The following CEP43 variants were observed in gnomAD, a reference collection of about 807,000 sequenced individuals.
The protein encoded by CEP43 is centrosomal protein 43.
Under a neutral mutation model 52.6 loss-of-function variants are expected in CEP43, and 36 were observed. That is an observed-to-expected ratio of 0.68 (90% CI 0.52 to 0.90). CEP43 has a LOEUF of 0.90. CEP43 is among the 40% of genes least tolerant of loss of function. CEP43 has a pLI of 0.00. For synonymous variants in CEP43, 192 were observed against 172.4 expected, an observed-to-expected ratio of 1.11 and a Z score of -0.89; for missense variants, 506 against 472.8, an observed-to-expected ratio of 1.07 and a Z score of -0.65.
intron 5 of CEP43, among the ~76,000 whole-genome samples, chr6:167,006,404 A>G (rs1417415344): frequency 2.0e-5 from 3 of 152,116 alleles, no homozygotes; most frequent in Non-Finnish European, 2.9e-5. Context: ...AGTCCCAGCT[A>G]CTTGGGAGGC....
chr6:167,016,615 G>A (rs536033295), intron 7 of CEP43, among the ~76,000 whole-genome samples: 27 of 152,250 alleles, frequency 1.8e-4, no homozygotes, highest in Non-Finnish European at 2.4e-4. Context: ...TTCACATTAC[G>A]TGTAGGTTTT....
chr6:167,029,042 G>A (rs1231127741), intron 10 of CEP43, among the ~76,000 whole-genome samples: 1 of 152,182 alleles, frequency 6.6e-6, no homozygotes, highest in African/African-American at 2.4e-5. Context: ...TGGATGGCAT[G>A]TACTGTCTCT....
Position 167,044,485 on chromosome 6 carries a change from A to C in CEP43, c.*4507A>C. On this transcript the variant is annotated 3_prime_UTR_variant, in exon 13 of 13. Transcript: ENST00000366847. ...CTGACAAAGTTTCCCCGAGGAAGTC[A>C]GATTGGAAAAGTGTCCTCAGGTTCA... The C allele has an allele frequency of 1.0e-6, 1 of 985,424 alleles. No individual in the cohort carries two copies. The highest frequency in any genetic ancestry group is 1.2e-6 in the Non-Finnish European group (1 of 829,912). The allele number at this position is 985,424 out of a possible 1,614,324, so 61.0% of individuals were successfully genotyped here.
chr6:167,036,431 G>A lies in CEP43; in HGVS notation c.1125+2460G>A, dbSNP rs1370881881. On this transcript the variant is annotated intron_variant, in intron 12 of 12. Transcript: ENST00000366847. The stretch of plus-strand genomic sequence containing the variant: ...ATGAACTAGGAGCAGAGGCCCTGGG[G>A]AGGGTAGTCTCTGCACGGGAGCCAG... 4.1e-6 allele frequency: 4 copies of A among 985,320 alleles called. No individual in the cohort carries two copies. In the African/African-American group the frequency reaches 7.0e-5, roughly 17 times the overall value. The allele number at this position is 985,320 out of a possible 1,614,324, so 61.0% of individuals were successfully genotyped here.
chr6:167,041,124 G>C lies in CEP43; in HGVS notation c.*1146G>C. On this transcript the variant is annotated 3_prime_UTR_variant, in exon 13 of 13. Transcript: ENST00000366847. The stretch of plus-strand genomic sequence containing the variant: ...ATTAAGTTGCGGCTTTTTACTACAA[G>C]TTAACTTTATTAGTAAAAGGAGCAA... 1 of 1,042,164 alleles carries C rather than the reference G, an allele frequency of 9.6e-7. No individual in the cohort carries two copies. Among genetic ancestry groups the C allele is most frequent in the Non-Finnish European group, 1.2e-6 (1 of 864,802 alleles). The allele number at this position is 1,042,164 out of a possible 1,614,324, so 64.6% of individuals were successfully genotyped here.
In CEP43 at chr6:167,022,563, C is replaced by T. The variant is rs757083830; in HGVS notation, c.734C>T (p.Pro245Leu). The change falls in exon 8 of 13, where the codon CCA becomes CTA. Residue 245 changes from proline (P) to leucine (L), a missense_variant. Physicochemically the swap from Pro to Leu is moderately conservative, Grantham distance 98. Coordinates refer to ENST00000366847, the MANE Select transcript of CEP43 (RefSeq NM_007045.4). ...GGCAAAGACAAAGCTGGCCTTTGTC[C>T]AGATGAAGATGATATGGAAGGAGAT... Reference protein sequence around the residue: ...LDGKDKAGLCPDEDDMEGDSF... With the variant: ...LDGKDKAGLCLDEDDMEGDSF... The T allele has an allele frequency of 1.4e-5, 23 of 1,613,874 alleles. 1 individual carries two copies. The South Asian group carries it at 2.5e-4, about 18-fold the overall frequency.
At chr6:167,002,762 G>T (rs1779767140) in intron 2 of CEP43, among the ~76,000 whole-genome samples, 1 of 152,198 alleles carries the variant, frequency 6.6e-6, no homozygotes, top group South Asian at 2.1e-4. Flanking sequence ...TGGCCTATGG[G>T]CCGCATAAGA....
chr6:167,032,939 G>A lies in CEP43; in HGVS notation c.1028+297G>A, dbSNP rs79885629. ...GTCATTTAGAAGCAGTTCAGTTGCC[G>A]TGTCATAAGTGCTGATTTTCTCTTC... is the stretch of plus-strand genomic sequence containing the variant. On this transcript the variant is annotated intron_variant, in intron 11 of 12. Coordinates refer to ENST00000366847, the MANE Select transcript of CEP43 (RefSeq NM_007045.4). Among the ~76,000 whole-genome samples the A allele has an allele frequency of 8.3e-4, 127 of 152,144 alleles. 2 individuals are homozygous for A. The East Asian group carries it at 0.02, about 24-fold the overall frequency.
intron 10 of CEP43, 87 bp downstream of exon 10, chr6:167,026,702 A>G: frequency 1.3e-6 from 1 of 770,006 alleles, no homozygotes; most frequent in Non-Finnish European, 2.2e-6. Context: ...CCGTCTGCCT[A>G]CGCTGAGCAC....
rs1779674827 is a variant in CEP43, at chr6:166,999,509, A to C, written c.97A>C (p.Ile33Leu). ...GGAGAACAGCGGGGTCCTGAACCGCATCAAGGTGAGGCCGGAGGCTGGGGC... is the reference window on the plus strand; with the variant it reads ...GGAGAACAGCGGGGTCCTGAACCGCCTCAAGGTGAGGCCGGAGGCTGGGGC... ...TLENSGVLNR[I>L]KAELRAAVFL... The change falls in exon 1 of 13, where the codon ATC (isoleucine) becomes CTC (leucine). Residue 33 changes from isoleucine (I) to leucine (L), a missense_variant. Transcript: ENST00000366847. 6.9e-7 allele frequency: 1 copy of C among 1,446,056 alleles called. No individual in the cohort carries two copies. The highest frequency in any genetic ancestry group is 9.1e-7 in the Non-Finnish European group (1 of 1,093,198). 89.6% of individuals were successfully genotyped at this position (1,446,056 alleles called of 1,614,324 possible).
At chr6:167,037,732 G>A (rs1373302895) in intron 12 of CEP43, among the ~76,000 whole-genome samples, 3 of 152,232 alleles carry the variant, frequency 2.0e-5, no homozygotes, top group Admixed American at 6.5e-5. Context: ...AGTATCTCGG[G>A]ATGAAACTGT....
chr6:167,016,615 G>C (rs536033295), intron 7 of CEP43, among the ~76,000 whole-genome samples: 1 of 152,132 alleles, frequency 6.6e-6, no homozygotes, highest in Non-Finnish European at 1.5e-5. Context: ...TTCACATTAC[G>C]TGTAGGTTTT....
At chr6:167,035,287 T>G (rs1189381149) in intron 12 of CEP43, among the ~76,000 whole-genome samples, 1 of 152,206 alleles carries the variant, frequency 6.6e-6, no homozygotes, top group Non-Finnish European at 1.5e-5. Flanking sequence ...TAAAGCCTTC[T>G]GTGTAGAGAA....
rs1297565804 is a variant in CEP43, at chr6:167,043,575, A to T, written c.*3597A>T. On this transcript the variant is annotated 3_prime_UTR_variant, in exon 13 of 13. Coordinates refer to ENST00000366847, the MANE Select transcript of CEP43 (RefSeq NM_007045.4). ...TTTATAATTTTTTTGTAGAGACGGG[A>T]TTTCACCATGTTGGCCAGGCTGGTC... 2 of 151,434 alleles carry T rather than the reference A, an allele frequency of 1.3e-5. No individual in the cohort carries two copies. The highest frequency in any genetic ancestry group is 4.9e-5 in the African/African-American group (2 of 41,186). 9.4% of individuals were successfully genotyped at this position (151,434 alleles called of 1,614,324 possible).
At chr6:167,038,725 A>G (rs1780632286) in intron 12 of CEP43, among the ~76,000 whole-genome samples, 2 of 152,230 alleles carry the variant, frequency 1.3e-5, no homozygotes, top group Admixed American at 1.3e-4. Context: ...TCGCTTCTCA[A>G]CACAGCTTTA....
At chr6:167,003,617 T>G (rs1779787171) in intron 3 of CEP43, 106 bp from the exon 4 acceptor site, 1 of 670,426 alleles carries the variant, frequency 1.5e-6, no homozygotes, top group Admixed American at 3.0e-5. Context: ...CTTAAAAAAT[T>G]TAGAAACCTT....
rs935173716 is a variant in CEP43, at chr6:167,040,430, A to G, written c.*452A>G. 4 of 1,239,426 alleles carry G rather than the reference A, an allele frequency of 3.2e-6. No individual in the cohort carries two copies. Among genetic ancestry groups the G allele is most frequent in the Non-Finnish European group, 4.1e-6 (4 of 987,180 alleles). The allele number at this position is 1,239,426 out of a possible 1,614,324, so 76.8% of individuals were successfully genotyped here. A position where few individuals can be genotyped will look rare whatever the true frequency, so the allele number is the denominator to read the frequency against. ...ATTTTGATATTAGGTGGTTCTACAC[A>G]TAGTTGGCAAAATGACTTGGTAAAT... On this transcript the variant is annotated 3_prime_UTR_variant, in exon 13 of 13. Coordinates refer to ENST00000366847, the MANE Select transcript of CEP43 (RefSeq NM_007045.4).
chr6:167,041,755 A>G lies in CEP43; in HGVS notation c.*1777A>G, dbSNP rs753868958. 1.7e-5 allele frequency: 17 copies of G among 997,304 alleles called. No homozygotes were observed. The highest frequency in any genetic ancestry group is 9.0e-5 in the East Asian group (1 of 11,138). The allele number at this position is 997,304 out of a possible 1,614,324, so 61.8% of individuals were successfully genotyped here. A position where few individuals can be genotyped will look rare whatever the true frequency, so the allele number is the denominator to read the frequency against. The stretch of plus-strand genomic sequence containing the variant: ...GTTACGCAGAGAATCAGACCTTTTG[A>G]TAATATTTGGGAGGGTAAAAGAAAT... On this transcript the variant is annotated 3_prime_UTR_variant, in exon 13 of 13. Transcript: ENST00000366847.
rs750406686 is a variant in CEP43, at chr6:167,040,006, C to T, written c.*28C>T. The T allele has an allele frequency of 5.0e-6, 8 of 1,608,658 alleles. No homozygotes were observed. The highest frequency in any genetic ancestry group is 1.7e-6 in the Non-Finnish European group (2 of 1,179,058). The stretch of plus-strand genomic sequence containing the variant: ...ACGAAGAAGGAAGTATTCTAATTAA[C>T]AAGGACAGAGGACTGACCGGTTCCA... On this transcript the variant is annotated 3_prime_UTR_variant, in exon 13 of 13. Coordinates refer to ENST00000366847, the MANE Select transcript of CEP43 (RefSeq NM_007045.4).
Sources: gnomAD v4.1 joint callset for allele counts (sites outside exome capture counted in the v4.1 genomes callset) on GRCh38, gnomAD v4.1.1 for gene constraint, MANE v1.5 for transcripts, NCBI Gene and HGNC (gene_info 2026-07-23, HGNC 2026-07-21) for gene names.